Variants in TRAPPC9 observed in about 807,000 individuals in gnomAD.
TRAPPC9 encodes the protein IKK2 binding protein.
In TRAPPC9, 83 loss-of-function variants were observed where a neutral mutation model predicts 124.0. The ratio of observed to expected loss-of-function variants is 0.67; its 90% CI spans 0.56 to 0.80. TRAPPC9 has a LOEUF of 0.80. TRAPPC9 is among the 30% of genes least tolerant of loss of function. The pLI is 0.00. For missense variants in TRAPPC9, 1,302 were observed against 1,508.3 expected (o/e 0.86, Z 2.27); for synonymous variants, 638 against 617.5 (o/e 1.03, Z -0.49).
intron 15 of TRAPPC9, among the ~76,000 whole-genome samples, chr8:140,263,632 G>A (rs1481335236): frequency 6.6e-6 from 1 of 152,218 alleles, no homozygotes; most frequent in African/African-American, 2.4e-5. Context: ...TGCCTTGCAT[G>A]TAGTATAACA....
chr8:140,172,605 G>C (rs759217480), intron 17 of TRAPPC9, among the ~76,000 whole-genome samples: 2 of 152,170 alleles, frequency 1.3e-5, no homozygotes, highest in Non-Finnish European at 2.9e-5. Context: ...CAGCCTACTT[G>C]AGTTTTATGA....
intron 21 of TRAPPC9, among the ~76,000 whole-genome samples, chr8:139,850,883 C>T (rs1827397328): frequency 6.6e-6 from 1 of 152,210 alleles, no homozygotes; most frequent in Admixed American, 6.5e-5. Flanking sequence ...CTACCACACA[C>T]CAAGAAGCAT....
At chr8:140,287,515 G>C (rs747047363) in intron 13 of TRAPPC9, 93 bp downstream of exon 13, 1 of 1,526,418 alleles carries the variant, frequency 6.6e-7, no homozygotes. Context: ...GGTTAGGACT[G>C]GCATGACGGG....
In TRAPPC9 at chr8:140,443,263, G is replaced by A. The variant is rs759110357; in HGVS notation, c.585-4066C>T. On this transcript the variant is annotated intron_variant, in intron 2 of 22. Transcript: ENST00000438773. ...ATCCTGGCTAACATGATGAAACCCC[G>A]TCTCTACTAAAAAATACAAAAAATT... Among the ~76,000 whole-genome samples the A allele has an allele frequency of 1.6e-4, 24 of 146,788 alleles. 1 individual carries two copies. The highest frequency in any genetic ancestry group is 5.5e-4 in the Admixed American group (8 of 14,540).
At chr8:140,225,866 G>C (rs1199826420) in intron 16 of TRAPPC9, among the ~76,000 whole-genome samples, 2 of 152,180 alleles carry the variant, frequency 1.3e-5, no homozygotes, top group African/African-American at 4.8e-5. Context: ...CCCGAGGGAA[G>C]GCTCCCATCC....
At chr8:140,206,986 G>A (rs914925665) in intron 17 of TRAPPC9, among the ~76,000 whole-genome samples, 1 of 152,150 alleles carries the variant, frequency 6.6e-6, no homozygotes, top group Admixed American at 6.6e-5. Flanking sequence ...CCTTCACGGA[G>A]CTTGAAGTCT....
intron 17 of TRAPPC9, among the ~76,000 whole-genome samples, chr8:140,029,235 C>T (rs943374743): frequency 4.6e-5 from 7 of 152,196 alleles, no homozygotes; most frequent in South Asian, 2.1e-4. Flanking sequence ...CCAGGCATTG[C>T]GGCTCATGCC....
chr8:139,880,057 C>T (rs891429631), intron 21 of TRAPPC9, among the ~76,000 whole-genome samples: 1 of 152,196 alleles, frequency 6.6e-6, no homozygotes, highest in Admixed American at 6.5e-5. Context: ...TGTTCTCCCT[C>T]TCTTTGTATA....
chr8:139,958,229 G>A (rs532294361), intron 19 of TRAPPC9, among the ~76,000 whole-genome samples: 3 of 152,294 alleles, frequency 2.0e-5, no homozygotes, highest in Non-Finnish European at 4.4e-5. Flanking sequence ...CAGTCCCCAC[G>A]GCTCCCTTCC....
chr8:139,875,230 T>A (rs1829244844), intron 21 of TRAPPC9, among the ~76,000 whole-genome samples: 1 of 152,112 alleles, frequency 6.6e-6, no homozygotes, highest in Non-Finnish European at 1.5e-5. Flanking sequence ...GCATCCAGGC[T>A]GCCTGGGTTC....
intron 18 of TRAPPC9, among the ~76,000 whole-genome samples, chr8:140,002,271 C>G (rs1838453853): frequency 6.6e-6 from 1 of 151,562 alleles, no homozygotes; most frequent in Non-Finnish European, 1.5e-5. Flanking sequence ...ACCCCTTAAT[C>G]TTTAAAAAAT....
Position 139,738,462 on chromosome 8 carries a change from G to A in TRAPPC9, c.3056-6260C>T, listed in dbSNP as rs1358567431. On this transcript the variant is annotated intron_variant, in intron 21 of 22. Coordinates refer to ENST00000438773, the MANE Select transcript of TRAPPC9 (RefSeq NM_001160372.4). ...AAAGGGAGAAGACCCTGGGCCATCG[G>A]AGTAGGCCCAATGGCGTCAGGAGAG... 4.6e-5 allele frequency among the ~76,000 whole-genome samples: 7 copies of A among 152,218 alleles called. No homozygotes were observed. The East Asian group carries it at 1.2e-3, about 25-fold the overall frequency.
chr8:140,152,235 TA>T (rs71320343), intron 17 of TRAPPC9, among the ~76,000 whole-genome samples: 1,261 of 106,678 alleles, frequency 0.012, 7 homozygotes, highest in East Asian at 0.063. Context: ...ACTTAAGCTT[TA>T]AAAAAAAAAA....
At chr8:140,272,970 G>C (rs937090519) in intron 15 of TRAPPC9, among the ~76,000 whole-genome samples, 2 of 151,892 alleles carry the variant, frequency 1.3e-5, no homozygotes, top group Non-Finnish European at 2.9e-5. Context: ...GAACAAATCT[G>C]AGTGCTTACA....
chr8:140,286,587 A>T (rs2065489934), intron 13 of TRAPPC9, among the ~76,000 whole-genome samples: 1 of 152,174 alleles, frequency 6.6e-6, no homozygotes, highest in African/African-American at 2.4e-5. Context: ...GTGCTGTGAC[A>T]GACAGCGAGG....
chr8:139,835,916 T>A (rs1381586457), intron 21 of TRAPPC9, among the ~76,000 whole-genome samples: 1 of 152,234 alleles, frequency 6.6e-6, no homozygotes, highest in Non-Finnish European at 1.5e-5. Flanking sequence ...TTGGACAGGT[T>A]ATATATATCT....
intron 9 of TRAPPC9, among the ~76,000 whole-genome samples, chr8:140,320,004 T>A (rs527379321): frequency 6.6e-6 from 1 of 152,106 alleles, no homozygotes; most frequent in African/African-American, 2.4e-5. Context: ...AGGTAGAGAA[T>A]AGAAAGAGGG....
At chr8:139,791,640 C>T (rs954443128) in intron 21 of TRAPPC9, among the ~76,000 whole-genome samples, 2 of 152,188 alleles carry the variant, frequency 1.3e-5, no homozygotes, top group African/African-American at 2.4e-5. Flanking sequence ...CCCGTAAGCC[C>T]AGGCGCTGGG....
At chr8:140,266,717 G>C (rs1299882282) in intron 15 of TRAPPC9, among the ~76,000 whole-genome samples, 1 of 151,278 alleles carries the variant, frequency 6.6e-6, no homozygotes, top group Non-Finnish European at 1.5e-5. Flanking sequence ...AACATTAGCC[G>C]GGCGTGGTGG....
Sources: allele counts gnomAD v4.1 joint callset (sites outside exome capture counted in the v4.1 genomes callset), GRCh38; gene constraint gnomAD v4.1.1; transcripts MANE v1.5; gene names NCBI Gene and HGNC (gene_info 2026-07-23, HGNC 2026-07-21).